CSMD1: variants seen among roughly 807,000 people sequenced by gnomAD.
CSMD1 encodes CUB and Sushi multiple domains 1.
Under a neutral mutation model 417.5 loss-of-function variants are expected in CSMD1, and 213 were observed. The observed-to-expected ratio is 0.51, with a 90% CI of 0.46 to 0.57. The LOEUF is 0.57. CSMD1 is among the 20% of genes least tolerant of loss of function. CSMD1 has a pLI of 0.00. For synonymous variants in CSMD1, 2,862 were observed against 1,736.8 expected (o/e 1.65, Z -16.11); for missense variants, 6,923 against 4,529.7 (o/e 1.53, Z -15.17).
rs943070045 is a variant in CSMD1 at position 4,948,375 on chromosome 8, T to G, written c.85+45957A>C. Among the ~76,000 whole-genome samples, 9 of 152,190 alleles carry G rather than the reference T, an allele frequency of 5.9e-5. 1 individual carries two copies. Among genetic ancestry groups the G allele is most frequent in the African/African-American group, 1.9e-4 (8 of 41,582 alleles). On this transcript the variant is annotated intron_variant, in intron 1 of 69. Coordinates refer to ENST00000635120, the MANE Select transcript of CSMD1 (RefSeq NM_033225.6). ...ACATTTTTTTCTTAGAATAATTGTTTATATATTCTGTACTAGTTACTTGCC... is the reference window on the plus strand; with the variant it reads ...ACATTTTTTTCTTAGAATAATTGTTGATATATTCTGTACTAGTTACTTGCC...
chr8:2,995,401 C>G (rs1056769577), intron 54 of CSMD1, among the ~76,000 whole-genome samples: 1 of 152,184 alleles, frequency 6.6e-6, no homozygotes, highest in African/African-American at 2.4e-5. Context: ...GCACCGAATG[C>G]TGGACAGGAT....
intron 2 of CSMD1, among the ~76,000 whole-genome samples, chr8:4,539,611 G>C (rs545033694): frequency 6.6e-6 from 1 of 152,264 alleles, no homozygotes; most frequent in East Asian, 1.9e-4. Context: ...TAGGAAAAAA[G>C]AGTTTGATGT....
chr8:3,014,616 T>C (rs1808681677), intron 52 of CSMD1, among the ~76,000 whole-genome samples: 1 of 152,176 alleles, frequency 6.6e-6, no homozygotes, highest in Admixed American at 6.5e-5. Flanking sequence ...TCCTTATCTT[T>C]GGGGCGTGCC....
chr8:4,337,003 T>C (rs187418205), intron 3 of CSMD1, among the ~76,000 whole-genome samples: 7 of 152,176 alleles, frequency 4.6e-5, no homozygotes, highest in Admixed American at 1.3e-4. Flanking sequence ...AATGGCTGAC[T>C]GGCCTGCTTA....
intron 1 of CSMD1, among the ~76,000 whole-genome samples, chr8:4,889,446 A>G (rs1231300360): frequency 1.3e-5 from 2 of 152,124 alleles, no homozygotes; most frequent in Non-Finnish European, 1.5e-5. Context: ...AATTTGAATA[A>G]GCTTTGTAGG....
intron 12 of CSMD1, among the ~76,000 whole-genome samples, chr8:3,423,720 A>C (rs1301549051): frequency 6.6e-6 from 1 of 152,158 alleles, no homozygotes. Context: ...TTTGTGTGGA[A>C]ATGTGTTTTT....
At chr8:4,181,979 G>T (rs1176940940) in intron 3 of CSMD1, among the ~76,000 whole-genome samples, 1 of 143,342 alleles carries the variant, frequency 7.0e-6, no homozygotes, top group South Asian at 2.2e-4. Flanking sequence ...TGTGTGATGT[G>T]TGTGTAATGT....
At chr8:4,177,124 T>C (rs1291737130) in intron 3 of CSMD1, among the ~76,000 whole-genome samples, 14 of 152,162 alleles carry the variant, frequency 9.2e-5, no homozygotes, top group Admixed American at 6.5e-5. Flanking sequence ...CAACAGAATA[T>C]ACATGTTTTT....
At chr8:4,622,190 A>G (rs1801820517) in intron 2 of CSMD1, among the ~76,000 whole-genome samples, 1 of 151,708 alleles carries the variant, frequency 6.6e-6, no homozygotes, top group Non-Finnish European at 1.5e-5. Flanking sequence ...AAAAAAAAGA[A>G]TGGCAGACAT....
chr8:4,707,510 G>T (rs549726454), intron 1 of CSMD1, among the ~76,000 whole-genome samples: 1 of 152,260 alleles, frequency 6.6e-6, no homozygotes, highest in Admixed American at 6.5e-5. Context: ...CAGCGTAGGA[G>T]TCCGTGAACA....
At chr8:4,055,572 C>G (rs565421085) in intron 3 of CSMD1, among the ~76,000 whole-genome samples, 3 of 145,576 alleles carry the variant, frequency 2.1e-5, no homozygotes, top group Non-Finnish European at 4.4e-5. Context: ...GAAGAAGAGT[C>G]AAAATCAGCT....
chr8:4,007,439 A>T (rs560616923), intron 4 of CSMD1, among the ~76,000 whole-genome samples: 159 of 152,300 alleles, frequency 1.0e-3, no homozygotes, highest in African/African-American at 3.4e-3. Context: ...CCTGCCTGAG[A>T]AGCACATCTC....
chr8:3,598,312 C>T (rs534392352), intron 8 of CSMD1: 3 of 152,200 alleles, frequency 2.0e-5, no homozygotes, highest in Non-Finnish European at 2.9e-5. Flanking sequence ...ACCTACTTTC[C>T]TCTATGTAGT....
chr8:3,078,170 T>C (rs555738137), intron 49 of CSMD1, among the ~76,000 whole-genome samples: 2 of 152,354 alleles, frequency 1.3e-5, no homozygotes, highest in Non-Finnish European at 2.9e-5. Flanking sequence ...TTATAAAATA[T>C]TATTACTTTG....
chr8:3,791,308 C>G (rs188219666), intron 5 of CSMD1, among the ~76,000 whole-genome samples: 21 of 152,200 alleles, frequency 1.4e-4, no homozygotes, highest in African/African-American at 4.6e-4. Context: ...ATTTAGGTAT[C>G]TGAATTTAAG....
At chr8:3,277,703 G>A (rs957244346) in intron 26 of CSMD1, among the ~76,000 whole-genome samples, 2 of 152,168 alleles carry the variant, frequency 1.3e-5, no homozygotes, top group African/African-American at 2.4e-5. Context: ...CTGCATCTCT[G>A]CAGCAAAGCA....
At chr8:3,903,224 T>C (rs1209177249) in intron 5 of CSMD1, among the ~76,000 whole-genome samples, 1 of 152,132 alleles carries the variant, frequency 6.6e-6, no homozygotes, top group Non-Finnish European at 1.5e-5. Flanking sequence ...CAGTGGCCTC[T>C]AAAATTTACT....
rs920884843 is a variant in CSMD1 at position 4,854,310 on chromosome 8, G to T, written c.85+140022C>A. On this transcript the variant is annotated intron_variant, in intron 1 of 69. Transcript: ENST00000635120. ...GCTTGGTAGGAGGTGTTGGGTTGCCGAGGCAGATCCCTCATAAATGGCTTC... is the reference window on the plus strand; with the variant it reads ...GCTTGGTAGGAGGTGTTGGGTTGCCTAGGCAGATCCCTCATAAATGGCTTC... Among the ~76,000 whole-genome samples, 3 of 152,230 alleles carry T rather than the reference G, an allele frequency of 2.0e-5. No homozygotes were observed. In the South Asian group the frequency reaches 6.2e-4, roughly 32 times the overall value.
intron 5 of CSMD1, among the ~76,000 whole-genome samples, chr8:3,917,803 TTAGCAATA>T (rs1341588938): frequency 7.2e-5 from 11 of 152,154 alleles, no homozygotes; most frequent in African/African-American, 2.7e-4. Flanking sequence ...AGTTTTGCCA[TTAGCAATA>T]TTAGTTGTGT....
Sources: gnomAD v4.1 joint callset for allele counts (sites outside exome capture counted in the v4.1 genomes callset) on GRCh38, gnomAD v4.1.1 for gene constraint, MANE v1.5 for transcripts, NCBI Gene and HGNC (gene_info 2026-07-23, HGNC 2026-07-21) for gene names.